Variants in ACBD6 observed in about 807,000 individuals in gnomAD.
The protein encoded by ACBD6 is acyl-CoA binding domain containing 6, also known as acyl-CoA-binding domain-containing protein 6.
ACBD6 carries 28 observed loss-of-function variants against 37.2 expected under a neutral mutation model. The ratio of observed to expected loss-of-function variants is 0.75; its 90% CI spans 0.56 to 1.03. The LOEUF is 1.03. ACBD6 is among the 50% of genes least tolerant of loss of function. The pLI is 0.00. For synonymous variants in ACBD6, 113 were observed against 126.8 expected (o/e 0.89, Z 0.73); for missense variants, 340 against 337.4 (o/e 1.01, Z -0.06).
chr1:180,423,138 T>C (rs1183322542), intron 4 of ACBD6, among the ~76,000 whole-genome samples: 4 of 152,242 alleles, frequency 2.6e-5, no homozygotes, highest in Non-Finnish European at 4.4e-5. Context: ...CATATCTTTT[T>C]CTTAATTTTT....
intron 3 of ACBD6, among the ~76,000 whole-genome samples, chr1:180,483,113 A>C (rs1292214169): frequency 6.6e-6 from 1 of 151,606 alleles, no homozygotes; most frequent in African/African-American, 2.4e-5. Flanking sequence ...CTATTTCTCC[A>C]CCCCTCGTTC....
chr1:180,371,317 C>T (rs758277838), intron 6 of ACBD6, among the ~76,000 whole-genome samples: 1 of 152,050 alleles, frequency 6.6e-6, no homozygotes, highest in African/African-American at 2.4e-5. Flanking sequence ...GAATTCTAGA[C>T]AGTTGTTAGT....
chr1:180,358,157 G>C (rs763076614), intron 6 of ACBD6, among the ~76,000 whole-genome samples: 1 of 152,150 alleles, frequency 6.6e-6, no homozygotes, highest in Non-Finnish European at 1.5e-5. Context: ...GGCCGAGTGC[G>C]GTGGCTCACG....
chr1:180,400,711 AC>A (rs1647315045), intron 5 of ACBD6, among the ~76,000 whole-genome samples: 1 of 152,208 alleles, frequency 6.6e-6, no homozygotes, highest in African/African-American at 2.4e-5. Context: ...TTATTCACTC[AC>A]TAACATAACC....
chr1:180,487,182 T>C (rs950847810), intron 3 of ACBD6, among the ~76,000 whole-genome samples: 3 of 152,166 alleles, frequency 2.0e-5, no homozygotes, highest in Admixed American at 6.5e-5. Context: ...AATTTGAATA[T>C]GGACTACAGA....
At chr1:180,343,615 G>A (rs191284591) in intron 6 of ACBD6, among the ~76,000 whole-genome samples, 56 of 152,180 alleles carry the variant, frequency 3.7e-4, no homozygotes, top group African/African-American at 1.2e-3. Flanking sequence ...TGTCTCCCAC[G>A]ACCTCCTTCA....
At chr1:180,431,734 A>G (rs552187317) in intron 3 of ACBD6, among the ~76,000 whole-genome samples, 6 of 152,210 alleles carry the variant, frequency 3.9e-5, no homozygotes, top group Non-Finnish European at 7.4e-5. Flanking sequence ...TGATAACTAA[A>G]TAAATAAAAC....
chr1:180,412,674 C>T (rs1490263422), intron 5 of ACBD6, among the ~76,000 whole-genome samples: 9 of 151,904 alleles, frequency 5.9e-5, no homozygotes, highest in South Asian at 2.1e-4. Context: ...AAGACCAACC[C>T]GGGCGACATA....
chr1:180,502,004 C>G, intron 1 of ACBD6, 41 bp downstream of exon 1: 1 of 1,592,924 alleles, frequency 6.3e-7, no homozygotes, highest in African/African-American at 1.3e-5. Context: ...AAGAAGGCTC[C>G]GTGTCTTTCT....
intron 3 of ACBD6, among the ~76,000 whole-genome samples, chr1:180,485,412 T>C (rs1651222391): frequency 1.3e-5 from 2 of 152,166 alleles, no homozygotes; most frequent in South Asian, 2.1e-4. Context: ...AATGAGGTCA[T>C]ACTGGATTAA....
intron 3 of ACBD6, among the ~76,000 whole-genome samples, chr1:180,449,220 A>G (rs1649598543): frequency 6.6e-6 from 1 of 152,232 alleles, no homozygotes; most frequent in Non-Finnish European, 1.5e-5. Context: ...TTACCAAAGT[A>G]TGAATACTAT....
chr1:180,413,331 A>C, intron 5 of ACBD6, 35 bp downstream of exon 5: 1 of 1,533,322 alleles, frequency 6.5e-7, no homozygotes, highest in Non-Finnish European at 9.0e-7. Flanking sequence ...ACAACCATGC[A>C]TAGGAAAATA....
At chr1:180,364,945 G>A (rs910378735) in intron 6 of ACBD6, among the ~76,000 whole-genome samples, 1 of 152,068 alleles carries the variant, frequency 6.6e-6, no homozygotes, top group Non-Finnish European at 1.5e-5. Flanking sequence ...GTGTTAGCTA[G>A]GATGGTCTCA....
intron 2 of ACBD6, among the ~76,000 whole-genome samples, chr1:180,495,003 G>A (rs1673667127): frequency 6.6e-6 from 1 of 152,112 alleles, no homozygotes. Context: ...TGTGGCATGG[G>A]TGGGGCAAGG....
intron 5 of ACBD6, among the ~76,000 whole-genome samples, chr1:180,411,528 T>C (rs536503985): frequency 6.6e-6 from 1 of 152,344 alleles, no homozygotes; most frequent in Admixed American, 6.5e-5. Context: ...GCAAGAAGAT[T>C]ATGACTTGCT....
intron 6 of ACBD6, among the ~76,000 whole-genome samples, chr1:180,343,712 T>C (rs1281335315): frequency 6.6e-6 from 1 of 152,182 alleles, no homozygotes; most frequent in East Asian, 1.9e-4. Flanking sequence ...TACGATTTCT[T>C]TTATCCTTTG....
intron 3 of ACBD6, among the ~76,000 whole-genome samples, chr1:180,454,397 T>G (rs554843331): frequency 6.6e-6 from 1 of 152,282 alleles, no homozygotes; most frequent in East Asian, 1.9e-4. Context: ...AAGACTTAAA[T>G]GTAAGACCTA....
chr1:180,381,327 A>T (rs925375452), intron 6 of ACBD6, among the ~76,000 whole-genome samples: 3 of 152,234 alleles, frequency 2.0e-5, no homozygotes, highest in African/African-American at 7.2e-5. Context: ...AAAGTCAACA[A>T]AGAAATACTG....
chr1:180,495,281 CAGG>C (rs1383741807), intron 2 of ACBD6, among the ~76,000 whole-genome samples, 177 bp downstream of exon 2: 6 of 152,204 alleles, frequency 3.9e-5, no homozygotes, highest in African/African-American at 1.4e-4. Flanking sequence ...AAGAATCCTT[CAGG>C]AGACTTAGCT....
Sources: allele counts gnomAD v4.1 joint callset (sites outside exome capture counted in the v4.1 genomes callset), GRCh38; gene constraint gnomAD v4.1.1; transcripts MANE v1.5; gene names NCBI Gene and HGNC (gene_info 2026-07-23, HGNC 2026-07-21).